Variants in CDH13 observed in about 807,000 individuals in gnomAD.
CDH13 encodes cadherin-13.
Under a neutral mutation model 63.8 loss-of-function variants are expected in CDH13, and 24 were observed. That is an observed-to-expected ratio of 0.38 (90% CI 0.27 to 0.53). The LOEUF (loss-of-function observed/expected upper bound fraction) is 0.53, where lower values mean the gene tolerates loss of function less well. CDH13 is among the 20% of genes least tolerant of loss of function. The pLI is 0.85. For synonymous variants in CDH13, 503 were observed against 355.3 expected, an observed-to-expected ratio of 1.42 and a Z score of -4.67; for missense variants, 1,049 against 903.1, an observed-to-expected ratio of 1.16 and a Z score of -2.07.
chr16:82,797,383 G>A (rs1169971196), intron 1 of CDH13, among the ~76,000 whole-genome samples: 1 of 152,156 alleles, frequency 6.6e-6, no homozygotes, highest in African/African-American at 2.4e-5. Context: ...TTAGTGCAGA[G>A]CCCTGGACCA....
chr16:83,738,307 C>T (rs537752752), intron 10 of CDH13, among the ~76,000 whole-genome samples: 87 of 152,290 alleles, frequency 5.7e-4, no homozygotes, highest in African/African-American at 1.7e-3. Flanking sequence ...TCCAAATGAG[C>T]GAGTGAACAG....
At chr16:83,097,695 C>G (rs1824989227) in intron 3 of CDH13, among the ~76,000 whole-genome samples, 1 of 152,092 alleles carries the variant, frequency 6.6e-6, no homozygotes, top group East Asian at 1.9e-4. Flanking sequence ...AAGACAGATG[C>G]TATATACAAA....
chr16:83,789,090 T>A (rs1007033547), intron 13 of CDH13, among the ~76,000 whole-genome samples: 11 of 152,178 alleles, frequency 7.2e-5, no homozygotes, highest in African/African-American at 2.7e-4. Context: ...TCCAAGACAT[T>A]CTTCCTAACC....
chr16:82,935,816 A>AC (rs2042649075), intron 2 of CDH13, among the ~76,000 whole-genome samples: 1 of 152,184 alleles, frequency 6.6e-6, no homozygotes, highest in African/African-American at 2.4e-5. Context: ...TCATGGACAC[A>AC]CACGAGGAGT....
At chr16:83,436,489 A>C (rs192145333) in intron 6 of CDH13, among the ~76,000 whole-genome samples, 1 of 152,046 alleles carries the variant, frequency 6.6e-6, no homozygotes, top group East Asian at 1.9e-4. Flanking sequence ...AAAAAAAATT[A>C]TACAATGAAT....
At chr16:82,969,544 C>T (rs1055982203) in intron 2 of CDH13, among the ~76,000 whole-genome samples, 2 of 145,000 alleles carry the variant, frequency 1.4e-5, no homozygotes, top group Non-Finnish European at 3.0e-5. Context: ...GATGATGGGG[C>T]TAGCCCATAG....
At chr16:83,334,512 C>T (rs1270226773) in intron 5 of CDH13, among the ~76,000 whole-genome samples, 1 of 146,794 alleles carries the variant, frequency 6.8e-6, no homozygotes, top group African/African-American at 2.5e-5. Context: ...GCTGGGAGTA[C>T]AGGCATGCAC....
chr16:83,261,606 C>T (rs1221276196), intron 5 of CDH13, among the ~76,000 whole-genome samples: 3 of 152,060 alleles, frequency 2.0e-5, no homozygotes, highest in African/African-American at 7.2e-5. Flanking sequence ...AGGACAGCCC[C>T]CATGACAAAG....
chr16:82,772,658 G>A (rs922039221), intron 1 of CDH13, among the ~76,000 whole-genome samples: 1 of 152,062 alleles, frequency 6.6e-6, no homozygotes, highest in Non-Finnish European at 1.5e-5. Context: ...ATCTTCATAG[G>A]AGCCCTAGGA....
intron 1 of CDH13, among the ~76,000 whole-genome samples, chr16:82,633,568 G>A (rs540277984): frequency 6.4e-4 from 97 of 152,190 alleles, no homozygotes; most frequent in South Asian, 3.1e-3. Context: ...TAGTAGAGAC[G>A]GGGTTTCACT....
chr16:83,052,363 T>G (rs1406255048), intron 3 of CDH13, among the ~76,000 whole-genome samples: 3 of 152,212 alleles, frequency 2.0e-5, no homozygotes, highest in Non-Finnish European at 4.4e-5. Context: ...TTCATATATT[T>G]TCATCTGTCC....
chr16:83,251,840 G>T (rs1905574614), intron 5 of CDH13, among the ~76,000 whole-genome samples: 1 of 152,040 alleles, frequency 6.6e-6, no homozygotes, highest in Admixed American at 6.5e-5. Flanking sequence ...TAGCAGGGCT[G>T]GGTCCACCTA....
At chr16:82,787,260 A>G (rs2036061468) in intron 1 of CDH13, among the ~76,000 whole-genome samples, 2 of 152,198 alleles carry the variant, frequency 1.3e-5, no homozygotes, top group Admixed American at 6.5e-5. Flanking sequence ...GTCCATGTAT[A>G]CAGCTGAGCA....
At chr16:82,860,913 C>G (rs12934446) in intron 2 of CDH13, among the ~76,000 whole-genome samples, 1 of 152,106 alleles carries the variant, frequency 6.6e-6, no homozygotes, top group Non-Finnish European at 1.5e-5. Flanking sequence ...TTAAGCCAGT[C>G]TCACTCTCCC....
At chr16:83,772,831 C>T (rs374886747) in intron 11 of CDH13, 1 of 152,252 alleles carries the variant, frequency 6.6e-6, no homozygotes, top group African/African-American at 2.4e-5. Context: ...AACCAGATCC[C>T]CTGCAGTTTT....
intron 10 of CDH13, among the ~76,000 whole-genome samples, chr16:83,711,441 G>A (rs1373248099): frequency 2.0e-5 from 3 of 152,204 alleles, no homozygotes. Context: ...TAATGGCTGA[G>A]AGGCACACTG....
At position 83,118,120 on chromosome 16, in the gene CDH13, G is replaced by C. The variant is rs28496969; in HGVS notation, c.367-7265G>C. On this transcript the variant is annotated intron_variant, in intron 3 of 13. Transcript: ENST00000567109. Reference sequence around the variant, plus strand: ...CTGCAGCAGGCCTCGGATGACCTAGGCTAAAGATGCTGCGGATCACTGTCC... The same window carrying C: ...CTGCAGCAGGCCTCGGATGACCTAGCCTAAAGATGCTGCGGATCACTGTCC... Among the ~76,000 whole-genome samples the C allele has an allele frequency of 1.1e-3, 171 of 152,278 alleles. 1 individual carries two copies. The highest frequency in any genetic ancestry group is 3.9e-3 in the African/African-American group (163 of 41,562).
chr16:83,620,879 A>G (rs1345327245), intron 8 of CDH13, among the ~76,000 whole-genome samples: 1 of 152,148 alleles, frequency 6.6e-6, no homozygotes, highest in Non-Finnish European at 1.5e-5. Flanking sequence ...GTGAAAAGCA[A>G]GACTGGTCAT....
At chr16:82,970,377 A>G (rs1359226210) in intron 2 of CDH13, among the ~76,000 whole-genome samples, 1 of 129,996 alleles carries the variant, frequency 7.7e-6, no homozygotes, top group Non-Finnish European at 1.6e-5. Context: ...TGAACAGTGC[A>G]TATTCTTTTT....
Sources: gnomAD v4.1 joint callset for allele counts (sites outside exome capture counted in the v4.1 genomes callset) on GRCh38, gnomAD v4.1.1 for gene constraint, MANE v1.5 for transcripts, NCBI Gene and HGNC (gene_info 2026-07-23, HGNC 2026-07-21) for gene names.